Variants in CTNNA2 observed in about 807,000 individuals in gnomAD.
CTNNA2 encodes catenin alpha-2.
Under a neutral mutation model 101.0 loss-of-function variants are expected in CTNNA2, and 42 were observed. The ratio of observed to expected loss-of-function variants is 0.42; its 90% CI spans 0.32 to 0.54. The LOEUF (loss-of-function observed/expected upper bound fraction) is 0.54. CTNNA2 is among the 20% of genes least tolerant of loss of function. The pLI, the probability that CTNNA2 is intolerant of heterozygous loss-of-function variation, is 0.14. For synonymous variants in CTNNA2, 450 were observed against 456.4 expected (o/e 0.99, Z 0.18); for missense variants, 871 against 1,223.1 (o/e 0.71, Z 4.29).
At chr2:80,446,531 A>T (rs544651730) in intron 9 of CTNNA2, among the ~76,000 whole-genome samples, 1 of 152,200 alleles carries the variant, frequency 6.6e-6, no homozygotes, top group Non-Finnish European at 1.5e-5. Flanking sequence ...CCTTGTTTTC[A>T]TATTTGATAC....
intron 17 of CTNNA2, among the ~76,000 whole-genome samples, chr2:80,613,412 G>T (rs1384424922): frequency 6.6e-6 from 1 of 151,336 alleles, no homozygotes; most frequent in Non-Finnish European, 1.5e-5. Context: ...GAAATGGGAA[G>T]TTAATAGGAA....
In CTNNA2 at chr2:80,005,953, T is replaced by C. The variant is rs180917540; in HGVS notation, c.1056+96156T>C. 2.6e-5 allele frequency among the ~76,000 whole-genome samples: 4 copies of C among 152,252 alleles called. No homozygotes were observed. The East Asian group carries it at 7.7e-4, about 29-fold the overall frequency. ...TAATAGCAAAGCTATGTTTGCTTTG[T>C]ATGGAGCAATATAAAATTATACTCA... On this transcript the variant is annotated intron_variant, in intron 7 of 18. Transcript: ENST00000402739.
chr2:80,087,576 T>C (rs907872278), intron 7 of CTNNA2, among the ~76,000 whole-genome samples: 1 of 152,084 alleles, frequency 6.6e-6, no homozygotes, highest in Non-Finnish European at 1.5e-5. Flanking sequence ...TTCTCTAGCC[T>C]GTGTGGGCTG....
intron 8 of CTNNA2, among the ~76,000 whole-genome samples, chr2:80,412,621 A>G (rs1679685694): frequency 6.6e-6 from 1 of 152,162 alleles, no homozygotes; most frequent in South Asian, 2.1e-4. Context: ...TCAGTTATCT[A>G]TTGTCACAAC....
chr2:80,160,205 T>G (rs1704225123), intron 7 of CTNNA2, among the ~76,000 whole-genome samples: 1 of 152,242 alleles, frequency 6.6e-6, no homozygotes, highest in African/African-American at 2.4e-5. Context: ...GCTGTAACTA[T>G]AAAATAAATC....
At chr2:79,708,191 CT>C (rs2104794831) in intron 2 of CTNNA2, among the ~76,000 whole-genome samples, 1 of 152,282 alleles carries the variant, frequency 6.6e-6, no homozygotes, top group South Asian at 2.1e-4. Context: ...GTGTACTATG[CT>C]TATTTCAGTG....
chr2:79,898,987 G>A (rs1347102677), intron 6 of CTNNA2, among the ~76,000 whole-genome samples: 1 of 152,204 alleles, frequency 6.6e-6, no homozygotes, highest in Non-Finnish European at 1.5e-5. Context: ...AACTGGGCAA[G>A]TGAAGGGAAG....
intron 3 of CTNNA2, among the ~76,000 whole-genome samples, chr2:79,750,392 C>A (rs1671940854): frequency 6.6e-6 from 1 of 152,154 alleles, no homozygotes; most frequent in Non-Finnish European, 1.5e-5. Flanking sequence ...GTTTATAGCT[C>A]CTCAGGTGAT....
chr2:80,048,336 T>A (rs776645543), intron 7 of CTNNA2, among the ~76,000 whole-genome samples: 11 of 152,300 alleles, frequency 7.2e-5, no homozygotes, highest in African/African-American at 9.6e-5. Context: ...AGAGGAAATG[T>A]ACATCTTCAG....
intron 7 of CTNNA2, among the ~76,000 whole-genome samples, chr2:80,172,836 T>G (rs1705150727): frequency 1.3e-5 from 2 of 152,158 alleles, no homozygotes; most frequent in African/African-American, 2.4e-5. Context: ...GCACTCCCTG[T>G]GTGCAGGTGC....
rs55759210 is a variant in CTNNA2 at position 79,484,240 on chromosome 2, C to CAATAA, written c.-134-20794_-134-20790dup. ...TGGGTGACAGAGTAAGACCCTGTCA[C>CAATAA]AATAAAATAAAATAAAATAAAATAT... is the stretch of plus-strand genomic sequence containing the variant. On this transcript the variant is annotated intron_variant, in intron 4 of 21. Transcript: ENST00000466387. 7.8e-3 allele frequency among the ~76,000 whole-genome samples: 1,186 copies of CAATAA among 151,642 alleles called. 11 individuals carry two copies. Among genetic ancestry groups the CAATAA allele is most frequent in the South Asian group, 0.023 (112 of 4,770 alleles).
intron 6 of CTNNA2, among the ~76,000 whole-genome samples, chr2:79,883,073 G>A (rs747463724): frequency 2.6e-5 from 4 of 152,104 alleles, no homozygotes; most frequent in South Asian, 2.1e-4. Context: ...GGATTCATAC[G>A]CTTATTAGGT....
rs541640047 is a variant in CTNNA2, at chr2:79,599,658, T to C, written c.-5-51894T>C. 1.3e-5 allele frequency among the ~76,000 whole-genome samples: 2 copies of C among 152,202 alleles called. 1 individual carries two copies. Among genetic ancestry groups the C allele is most frequent in the East Asian group, 3.9e-4 (2 of 5,194 alleles). On this transcript the variant is annotated intron_variant, in intron 1 of 18. Transcript: ENST00000402739. Reference sequence around the variant, plus strand: ...TTGTCAGAAAAATGGGAATGAAAACTGTACCTGGAAGTTTAGGACATTTGG... The same window carrying C: ...TTGTCAGAAAAATGGGAATGAAAACCGTACCTGGAAGTTTAGGACATTTGG...
intron 7 of CTNNA2, among the ~76,000 whole-genome samples, chr2:79,977,340 A>T (rs909052550): frequency 6.6e-6 from 1 of 152,050 alleles, no homozygotes; most frequent in Non-Finnish European, 1.5e-5. Context: ...GACATGTGGT[A>T]AACGTCAAGC....
intron 2 of CTNNA2, among the ~76,000 whole-genome samples, chr2:79,697,675 C>T (rs2104737033): frequency 6.6e-6 from 1 of 152,154 alleles, no homozygotes; most frequent in Middle Eastern, 3.4e-3. Flanking sequence ...GCATTTGAAA[C>T]TTTGTCAATG....
At chr2:79,404,594 T>G (rs1288693674) in intron 4 of CTNNA2, among the ~76,000 whole-genome samples, 2 of 152,060 alleles carry the variant, frequency 1.3e-5, no homozygotes, top group Non-Finnish European at 2.9e-5. Flanking sequence ...GCAGGGCAAC[T>G]CGGTTTGACT....
At chr2:79,682,343 C>T (rs577155353) in intron 2 of CTNNA2, among the ~76,000 whole-genome samples, 10 of 139,318 alleles carry the variant, frequency 7.2e-5, no homozygotes, top group African/African-American at 1.9e-4. Flanking sequence ...CCAGGGAGGC[C>T]GAGCTTGCAG....
At chr2:79,411,508 A>T (rs952633196) in intron 4 of CTNNA2, among the ~76,000 whole-genome samples, 6 of 152,170 alleles carry the variant, frequency 3.9e-5, no homozygotes, top group African/African-American at 1.2e-4. Flanking sequence ...AGGTCGGGTT[A>T]CCCACAAAGG....
chr2:80,560,946 C>A (rs1693533382), intron 12 of CTNNA2, among the ~76,000 whole-genome samples: 1 of 151,688 alleles, frequency 6.6e-6, no homozygotes. Flanking sequence ...TACACTTTGT[C>A]TTTTTTTTCT....
Sources: allele counts gnomAD v4.1 joint callset (sites outside exome capture counted in the v4.1 genomes callset), GRCh38; gene constraint gnomAD v4.1.1; transcripts MANE v1.5; gene names NCBI Gene and HGNC (gene_info 2026-07-23, HGNC 2026-07-21).